DNAJA2: variants seen among roughly 807,000 people sequenced by gnomAD.
DNAJA2 encodes the protein DnaJ heat shock protein family (Hsp40) member A2.
Under a neutral mutation model 49.3 loss-of-function variants are expected in DNAJA2, and 6 were observed. The ratio of observed to expected loss-of-function variants is 0.12; its 90% CI spans 0.07 to 0.24. The LOEUF is 0.24. Ranked by LOEUF, DNAJA2 falls within the 10% of genes least tolerant of loss-of-function variation. DNAJA2 has a pLI of 1.00. For missense variants in DNAJA2, 347 were observed against 516.8 expected (o/e 0.67, Z 3.19); for synonymous variants, 160 against 172.7 (o/e 0.93, Z 0.58).
At chr16:46,971,770 G>C in intron 2 of DNAJA2, 126 bp downstream of exon 2, 1 of 969,338 alleles carries the variant, frequency 1.0e-6, no homozygotes, top group Non-Finnish European at 1.6e-6. Flanking sequence ...AAATACTCTT[G>C]ACATTATGAA....
rs1009021287 is a variant in DNAJA2 at position 46,969,823 on chromosome 16, A to G, written c.362+1526T>C. On this transcript the variant is annotated intron_variant, in intron 3 of 8. Transcript: ENST00000317089. ...GTTAAAACAGCAGAAAACTTTCACT[A>G]TATAGCATAACTTTTTTTTAAACAT... Among the ~76,000 whole-genome samples, 4 of 152,352 alleles carry G rather than the reference A, an allele frequency of 2.6e-5. No homozygotes were observed. The East Asian group carries it at 7.7e-4, about 29-fold the overall frequency.
In DNAJA2 at chr16:46,973,622, C is replaced by A. The variant is rs1292464884; in HGVS notation, c.-50G>T. Reference sequence around the variant, plus strand: ...GGAGAAGGTGGCGAAGCAGACAGAGCGGAGTCGGGCCCACAAGCGGCGTCG... The same window carrying A: ...GGAGAAGGTGGCGAAGCAGACAGAGAGGAGTCGGGCCCACAAGCGGCGTCG... On this transcript the variant is annotated 5_prime_UTR_variant, in exon 1 of 9. Coordinates refer to ENST00000317089, the MANE Select transcript of DNAJA2 (RefSeq NM_005880.4). 1 of 1,564,774 alleles carries A rather than the reference C, an allele frequency of 6.4e-7. No homozygotes were observed. The highest frequency in any genetic ancestry group is 8.6e-7 in the Non-Finnish European group (1 of 1,159,982).
chr16:46,970,514 AG>A (rs1480029378), intron 3 of DNAJA2, among the ~76,000 whole-genome samples: 1 of 152,142 alleles, frequency 6.6e-6, no homozygotes, highest in Non-Finnish European at 1.5e-5. Flanking sequence ...AGGATGAGGC[AG>A]GAAGATCACT....
chr16:46,964,483 T>C (rs1961941501), intron 6 of DNAJA2, 128 bp downstream of exon 6: 1 of 838,284 alleles, frequency 1.2e-6, no homozygotes, highest in Non-Finnish European at 1.8e-6. Context: ...GAACTCACCA[T>C]GATGCCCTTA....
intron 3 of DNAJA2, 33 bp downstream of exon 3, chr16:46,971,316 T>A (rs1294523106): frequency 6.3e-7 from 1 of 1,587,126 alleles, no homozygotes; most frequent in Non-Finnish European, 8.6e-7. Context: ...AAAAAGTACT[T>A]AATTTTTTAA....
chr16:46,970,475 G>C (rs1962027527), intron 3 of DNAJA2, among the ~76,000 whole-genome samples: 1 of 152,226 alleles, frequency 6.6e-6, no homozygotes, highest in East Asian at 1.9e-4. Flanking sequence ...GGGCGCAGTG[G>C]CTTATGCCTG....
At chr16:46,972,408 C>T (rs1489889713) in intron 1 of DNAJA2, 5 of 154,638 alleles carry the variant, frequency 3.2e-5, no homozygotes, top group African/African-American at 9.6e-5. Context: ...TTCCTTCTAA[C>T]TGTAACATCA....
At chr16:46,965,695 G>C (rs373216895) in intron 5 of DNAJA2, among the ~76,000 whole-genome samples, 1 of 151,856 alleles carries the variant, frequency 6.6e-6, no homozygotes, top group South Asian at 2.1e-4. Context: ...GCCGGGCGTG[G>C]TGGCAGGCGC....
At chr16:46,971,596 AAAT>A (rs1179184654) in intron 2 of DNAJA2, 24 bp from the exon 3 acceptor site, 2 of 1,495,276 alleles carry the variant, frequency 1.3e-6, no homozygotes, top group Non-Finnish European at 1.8e-6. Flanking sequence ...GTAAAAATAA[AAAT>A]AATTGCATTT....
intron 4 of DNAJA2, 84 bp from the exon 5 acceptor site, chr16:46,967,730 C>T: frequency 3.2e-6 from 5 of 1,550,900 alleles, no homozygotes; most frequent in Non-Finnish European, 4.4e-6. Flanking sequence ...GTGCTTTTAC[C>T]TTCATCTTCA....
At chr16:46,959,152 TTAA>T in intron 7 of DNAJA2, 22 bp from the exon 8 acceptor site, 1 of 1,582,806 alleles carries the variant, frequency 6.3e-7, no homozygotes, top group South Asian at 1.2e-5. Flanking sequence ...GAGGAAATGA[TTAA>T]TAATTTTACC....
At position 46,973,630 on chromosome 16, in the gene DNAJA2, G is replaced by A; in HGVS notation, c.-58C>T. On this transcript the variant is annotated 5_prime_UTR_variant, in exon 1 of 9. Coordinates refer to ENST00000317089, the MANE Select transcript of DNAJA2 (RefSeq NM_005880.4). ...TGGCGAAGCAGACAGAGCGGAGTCGGGCCCACAAGCGGCGTCGGCGGCGGC... is the reference window on the plus strand; with the variant it reads ...TGGCGAAGCAGACAGAGCGGAGTCGAGCCCACAAGCGGCGTCGGCGGCGGC... 2 of 1,549,052 alleles carry A rather than the reference G, an allele frequency of 1.3e-6. No homozygotes were observed. Among genetic ancestry groups the A allele is most frequent in the Non-Finnish European group, 1.7e-6 (2 of 1,149,410 alleles).
chr16:46,973,525 C>T lies in DNAJA2; in HGVS notation c.48G>A (p.Pro16=). ...DTKLYDILGV[P]PGASENELKK... is the part of the protein sequence containing the mutation. ...TCAGCTCGTTCTCGCTGGCGCCGGG[C>T]GGGACGCCCAGGATGTCGTACAGCT... The change falls in exon 1 of 9, where the codon CCG becomes CCA. Residue 16 remains proline (P), a synonymous_variant. Coordinates refer to ENST00000317089, the MANE Select transcript of DNAJA2 (RefSeq NM_005880.4). The T allele has an allele frequency of 6.2e-7, 1 of 1,602,838 alleles. No individual in the cohort carries two copies. The highest frequency in any genetic ancestry group is 2.3e-5 in the East Asian group (1 of 44,234).
chr16:46,958,242 C>A (rs555305989), intron 8 of DNAJA2, among the ~76,000 whole-genome samples: 1 of 151,572 alleles, frequency 6.6e-6, no homozygotes, highest in Non-Finnish European at 1.5e-5. Flanking sequence ...GGCAACAGAG[C>A]GAGACTCTCT....
At chr16:46,970,979 A>G (rs1470195266) in intron 3 of DNAJA2, among the ~76,000 whole-genome samples, 1 of 151,912 alleles carries the variant, frequency 6.6e-6, no homozygotes, top group Non-Finnish European at 1.5e-5. Context: ...CAGAGGTTGC[A>G]GTGAGCTGAG....
intron 5 of DNAJA2, among the ~76,000 whole-genome samples, chr16:46,966,203 C>T (rs1961967948): frequency 6.6e-6 from 1 of 152,044 alleles, no homozygotes; most frequent in African/African-American, 2.4e-5. Flanking sequence ...TGCACTCCAG[C>T]CCAGGCGACA....
In DNAJA2 at chr16:46,964,796, T is replaced by C. The variant is rs754457151; in HGVS notation, c.589A>G (p.Asn197Asp). ...CATTTTTTACAGCGGTCTTTTTCAT[T>C]AATTACCTCTCCTGGAAAGAGAAGT... ...SDCNGEGEVI[N>D]EKDRCKKCEG... Residue 197 changes from asparagine (N) to aspartate (D), a missense_variant, in exon 6 of 9, where the codon AAT (asparagine) becomes GAT (aspartate). By Grantham distance (23) the Asn-to-Asp change is conservative. Coordinates refer to ENST00000317089, the MANE Select transcript of DNAJA2 (RefSeq NM_005880.4). 1.2e-6 allele frequency: 2 copies of C among 1,613,652 alleles called. No homozygotes were observed. Among genetic ancestry groups the C allele is most frequent in the Admixed American group, 3.3e-5 (2 of 59,964 alleles).
Position 46,973,642 on chromosome 16 carries a change from G to A in DNAJA2, c.-70C>T, listed in dbSNP as rs951516676. The A allele has an allele frequency of 1.3e-5, 20 of 1,511,674 alleles. No individual in the cohort carries two copies. The Middle Eastern group carries it at 6.9e-4, about 52-fold the overall frequency. 93.6% of individuals were successfully genotyped at this position (1,511,674 alleles called of 1,614,324 possible). A position where few individuals can be genotyped will look rare whatever the true frequency, so the allele number is the denominator to read the frequency against. ...CAGAGCGGAGTCGGGCCCACAAGCGGCGTCGGCGGCGGCACAGGCCGAGGG... is the reference window on the plus strand; with the variant it reads ...CAGAGCGGAGTCGGGCCCACAAGCGACGTCGGCGGCGGCACAGGCCGAGGG... On this transcript the variant is annotated 5_prime_UTR_variant, in exon 1 of 9. Transcript: ENST00000317089.
At position 46,956,030 on chromosome 16, in the gene DNAJA2, C is replaced by A. The variant is rs1396246804; in HGVS notation, c.*999G>T. On this transcript the variant is annotated 3_prime_UTR_variant, in exon 9 of 9. Coordinates refer to ENST00000317089, the MANE Select transcript of DNAJA2 (RefSeq NM_005880.4). The stretch of plus-strand genomic sequence containing the variant: ...CAAATATTCAACTTAATGGAGACAG[C>A]ATCTTTTACATTTAATGAAAACAGA... The A allele has an allele frequency of 6.6e-6, 1 of 152,164 alleles. No homozygotes were observed. The highest frequency in any genetic ancestry group is 1.5e-5 in the Non-Finnish European group (1 of 68,020). 9.4% of individuals were successfully genotyped at this position (152,164 alleles called of 1,614,324 possible). A position where few individuals can be genotyped will look rare whatever the true frequency, so the allele number is the denominator to read the frequency against.
Sources: allele counts gnomAD v4.1 joint callset (sites outside exome capture counted in the v4.1 genomes callset), GRCh38; gene constraint gnomAD v4.1.1; transcripts MANE v1.5; gene names NCBI Gene and HGNC (gene_info 2026-07-23, HGNC 2026-07-21).